The following VPS13B variants were observed in gnomAD, a reference collection of about 807,000 sequenced individuals.
VPS13B encodes intermembrane lipid transfer protein VPS13B.
A neutral mutation model predicts 426.4 loss-of-function variants in VPS13B; 285 were observed. The observed-to-expected ratio is 0.67, with a 90% confidence interval of 0.61 to 0.74. The LOEUF (loss-of-function observed/expected upper bound fraction) is 0.74. VPS13B is among the 30% of genes least tolerant of loss of function. The pLI is 0.00. For synonymous variants in VPS13B, 1,676 were observed against 1,676.4 expected (o/e 1.00, Z 0.01); for missense variants, 4,537 against 4,782.6 (o/e 0.95, Z 1.51).
intron 40 of VPS13B, among the ~76,000 whole-genome samples, chr8:99,773,767 T>G (rs1811622042): frequency 6.6e-6 from 1 of 152,208 alleles, no homozygotes; most frequent in Admixed American, 6.5e-5. Context: ...GATAATTCTG[T>G]GAACACTGTC....
intron 19 of VPS13B, among the ~76,000 whole-genome samples, chr8:99,363,319 A>T (rs11991039): frequency 0.074 from 11,250 of 152,168 alleles, 511 homozygotes; most frequent in African/African-American, 0.13. Context: ...AGTTCACTGT[A>T]GATGGATGGA....
intron 30 of VPS13B, among the ~76,000 whole-genome samples, 155 bp from the exon 31 acceptor site, chr8:99,556,295 C>T (rs943399273): frequency 1.3e-5 from 2 of 152,064 alleles, no homozygotes; most frequent in African/African-American, 4.8e-5. Context: ...TACTAACTTT[C>T]TGAAACCTTT....
chr8:99,805,592 GA>G (rs1037849195), intron 43 of VPS13B, among the ~76,000 whole-genome samples: 5 of 151,826 alleles, frequency 3.3e-5, no homozygotes, highest in South Asian at 2.1e-4. Context: ...ATTTTGTATA[GA>G]AAAAAAATGA....
In VPS13B at chr8:99,661,301, A is replaced by G. The variant is rs552472951; in HGVS notation, c.5909-53A>G. On this transcript the variant is annotated intron_variant, in intron 34 of 61. Transcript: ENST00000357162. Reference sequence around the variant, plus strand: ...TATTAACTCAAACTCATATATCAAAATGAGATATTTGTGATGTAACTGATG... The same window carrying G: ...TATTAACTCAAACTCATATATCAAAGTGAGATATTTGTGATGTAACTGATG... 7 of 1,607,684 alleles carry G rather than the reference A, an allele frequency of 4.4e-6. No individual in the cohort carries two copies. The South Asian group carries it at 7.7e-5, about 18-fold the overall frequency.
intron 19 of VPS13B, among the ~76,000 whole-genome samples, chr8:99,339,977 A>T (rs1439183125): frequency 6.6e-6 from 1 of 152,234 alleles, no homozygotes; most frequent in African/African-American, 2.4e-5. Context: ...ACTAACTCCA[A>T]CATCTAGTGA....
intron 17 of VPS13B, among the ~76,000 whole-genome samples, chr8:99,258,149 T>C (rs1431059495): frequency 2.0e-5 from 3 of 151,914 alleles, no homozygotes; most frequent in African/African-American, 2.4e-5. Context: ...AATAACATTA[T>C]TATTTTAACC....
At chr8:99,093,864 G>T (rs560013189) in intron 3 of VPS13B, 2 of 151,988 alleles carry the variant, frequency 1.3e-5, no homozygotes, top group Non-Finnish European at 2.9e-5. Flanking sequence ...TAAATTCCTC[G>T]ACACAGACAC....
intron 33 of VPS13B, among the ~76,000 whole-genome samples, chr8:99,603,270 T>C (rs374824286): frequency 2.0e-4 from 31 of 152,334 alleles, no homozygotes; most frequent in African/African-American, 7.5e-4. Context: ...CACTTCCCTC[T>C]TATCTGTGGG....
chr8:99,148,934 G>C (rs1810904362), intron 14 of VPS13B, among the ~76,000 whole-genome samples: 2 of 152,232 alleles, frequency 1.3e-5, no homozygotes, highest in Non-Finnish European at 2.9e-5. Flanking sequence ...ATGCTGATGA[G>C]AAAATGTTTC....
chr8:99,767,100 TGA>T, intron 40 of VPS13B, 130 bp downstream of exon 40: 1 of 916,142 alleles, frequency 1.1e-6, no homozygotes, highest in South Asian at 1.5e-5. Context: ...GAACAACAGA[TGA>T]GAACCACAAA....
intron 19 of VPS13B, among the ~76,000 whole-genome samples, chr8:99,338,196 ATATTT>A (rs531145314): frequency 2.0e-5 from 3 of 152,236 alleles, no homozygotes; most frequent in Admixed American, 2.0e-4. Context: ...TTTTCTTTCT[ATATTT>A]TATTATCAAC....
In VPS13B at chr8:99,770,684, A is replaced by G. The variant is rs80340537; in HGVS notation, c.7247+3714A>G. Among the ~76,000 whole-genome samples the G allele has an allele frequency of 7.6e-3, 1,159 of 152,304 alleles. 10 individuals are homozygous for G. The highest frequency in any genetic ancestry group is 0.014 in the Middle Eastern group (4 of 294). On this transcript the variant is annotated intron_variant, in intron 40 of 61. Transcript: ENST00000357162. ...GGCTGCAAAGGAACCGGGAAAATAC[A>G]TACCCTTACCTCATTCCTCTTCTGC...
At chr8:99,600,515 A>T (rs1022836323) in intron 33 of VPS13B, among the ~76,000 whole-genome samples, 1 of 152,176 alleles carries the variant, frequency 6.6e-6, no homozygotes, top group Non-Finnish European at 1.5e-5. Context: ...TAAGCCATTG[A>T]AGAGTCAAAA....
At position 99,391,704 on chromosome 8, in the gene VPS13B, G is replaced by T; in HGVS notation, c.3082G>T (p.Glu1028Ter). The T allele has an allele frequency of 2.5e-6, 4 of 1,613,916 alleles. No homozygotes were observed. The highest frequency in any genetic ancestry group is 3.4e-6 in the Non-Finnish European group (4 of 1,179,916). ...SSPVKTKTVT[E>*]SRPLSVPVKA... is the part of the protein sequence containing the mutation. Reference sequence around the variant, plus strand: ...CCCTGTAAAAACAAAAACGGTAACAGGTATGTGTCAAGTACTGTAAAGGGA... The same window carrying T: ...CCCTGTAAAAACAAAAACGGTAACATGTATGTGTCAAGTACTGTAAAGGGA... Residue 1028 changes from glutamate to a stop codon, truncating the protein, a stop_gained and splice_region_variant, in exon 21 of 62, where the codon GAA becomes TAA. Transcript: ENST00000357162. LOFTEE classifies it high-confidence loss of function.
At chr8:99,167,791 A>C (rs553771606) in intron 15 of VPS13B, among the ~76,000 whole-genome samples, 1 of 152,246 alleles carries the variant, frequency 6.6e-6, no homozygotes, top group South Asian at 2.1e-4. Flanking sequence ...CTCTTATTCA[A>C]CTTTACAGTT....
chr8:99,207,242 G>A (rs1225653831), intron 17 of VPS13B, among the ~76,000 whole-genome samples: 1 of 152,106 alleles, frequency 6.6e-6, no homozygotes, highest in Non-Finnish European at 1.5e-5. Flanking sequence ...AATTTTGTGT[G>A]TGTGTGTGAA....
intron 3 of VPS13B, among the ~76,000 whole-genome samples, chr8:99,092,966 A>G (rs1039522897): frequency 2.8e-4 from 42 of 151,596 alleles, no homozygotes; most frequent in Non-Finnish European, 7.4e-5. Flanking sequence ...ATCATTATTT[A>G]ATTGCTATGT....
intron 17 of VPS13B, among the ~76,000 whole-genome samples, chr8:99,270,853 G>T (rs1818553760): frequency 6.6e-6 from 1 of 152,122 alleles, no homozygotes; most frequent in African/African-American, 2.4e-5. Context: ...ATAGTGATTG[G>T]AACAGGGTAA....
At chr8:99,256,996 G>A (rs967946912) in intron 17 of VPS13B, among the ~76,000 whole-genome samples, 1 of 152,096 alleles carries the variant, frequency 6.6e-6, no homozygotes, top group Non-Finnish European at 1.5e-5. Flanking sequence ...GCTGAGTCTG[G>A]TATAGAGTAG....
Sources: gnomAD v4.1 joint callset for allele counts (sites outside exome capture counted in the v4.1 genomes callset) on GRCh38, gnomAD v4.1.1 for gene constraint, MANE v1.5 for transcripts, NCBI Gene and HGNC (gene_info 2026-07-23, HGNC 2026-07-21) for gene names.